STKLD1: variants seen among roughly 807,000 people sequenced by gnomAD.
The protein encoded by STKLD1 is serine/threonine kinase like domain containing 1.
A neutral mutation model predicts 80.4 loss-of-function variants in STKLD1; 79 were observed. The observed-to-expected ratio is 0.98, with a 90% CI of 0.82 to 1.19. The LOEUF (loss-of-function observed/expected upper bound fraction) is 1.19, where lower values mean the gene tolerates loss of function less well. Among genes scored for constraint, STKLD1 ranks in the 50% most tolerant of loss-of-function variants. The pLI is 0.00. For synonymous variants in STKLD1, 393 were observed against 357.6 expected, an observed-to-expected ratio of 1.10 and a Z score of -1.12; for missense variants, 841 against 856.0, an observed-to-expected ratio of 0.98 and a Z score of 0.22.
rs1340879296 is a variant in STKLD1, at chr9:133,378,066, T to C, written c.88-970T>C. Among the ~76,000 whole-genome samples, 32 of 152,172 alleles carry C rather than the reference T, an allele frequency of 2.1e-4. 1 individual carries two copies. The highest frequency in any genetic ancestry group is 7.4e-5 in the Non-Finnish European group (5 of 68,022). ...ACAGGAGGTGGAGCTTGGGTGGTAA[T>C]GCGAGCCATGGGGAGCGGCTGTAAA... is the stretch of plus-strand genomic sequence containing the variant. On this transcript the variant is annotated intron_variant, in intron 1 of 17. Transcript: ENST00000371957.
Position 133,389,615 on chromosome 9 carries a change from C to T in STKLD1, c.467+19C>T. 1.2e-6 allele frequency: 2 copies of T among 1,613,138 alleles called. No individual in the cohort carries two copies. Among genetic ancestry groups the T allele is most frequent in the Non-Finnish European group, 1.7e-6 (2 of 1,179,740 alleles). On this transcript the variant is annotated intron_variant, in intron 6 of 17. Coordinates refer to ENST00000371957, the MANE Select transcript of STKLD1 (RefSeq NM_153710.5). This position sits in a 1 kb window ranked among gnomAD's most constrained non-coding sequence, Gnocchi z 6.4. Reference sequence around the variant, plus strand: ...TCCACAGGTAAGTGGGGCCCCTGACCTCTGCGGACTGGCTGGCTGCTTCGG... The same window carrying T: ...TCCACAGGTAAGTGGGGCCCCTGACTTCTGCGGACTGGCTGGCTGCTTCGG...
intron 8 of STKLD1, 26 bp from the exon 9 acceptor site, chr9:133,395,574 C>A: frequency 1.2e-6 from 2 of 1,610,136 alleles, no homozygotes; most frequent in Non-Finnish European, 1.7e-6. Context: ...TAAGGGAATA[C>A]ACAGAGCTGT....
chr9:133,400,324 C>A, intron 11 of STKLD1, 89 bp from the exon 12 acceptor site: 1 of 915,802 alleles, frequency 1.1e-6, no homozygotes. Context: ...GCCCTGCAGG[C>A]TCCTACCAGC....
intron 2 of STKLD1, among the ~76,000 whole-genome samples, chr9:133,383,313 T>TGATGATGGC (rs1838188587): frequency 3.6e-3 from 1 of 278 alleles, no homozygotes; most frequent in Non-Finnish European, 8.2e-3. Flanking sequence ...GTAATGGTGG[T>TGATGATGGC]GGTGTGATGA....
chr9:133,389,081 T>A lies in STKLD1; in HGVS notation c.397-445T>A, dbSNP rs1838326870. On this transcript the variant is annotated intron_variant, in intron 5 of 17. Coordinates refer to ENST00000371957, the MANE Select transcript of STKLD1 (RefSeq NM_153710.5). The surrounding 1 kb of genome is among the most constrained non-coding windows in gnomAD (Gnocchi z 6.4). The stretch of plus-strand genomic sequence containing the variant: ...CTGGGTACTCGATGGAGCTTGTCTC[T>A]GATGCAGAACACTCCTAGCATTCTC... 1 of 985,278 alleles carries A rather than the reference T, an allele frequency of 1.0e-6. No individual in the cohort carries two copies. The highest frequency in any genetic ancestry group is 1.7e-5 in the African/African-American group (1 of 57,230). 61.0% of individuals were successfully genotyped at this position (985,278 alleles called of 1,614,324 possible).
chr9:133,386,476 G>A (rs2130277663), intron 4 of STKLD1, among the ~76,000 whole-genome samples: 11 of 152,328 alleles, frequency 7.2e-5, no homozygotes, highest in African/African-American at 2.4e-4. Context: ...GGGCCTGTGC[G>A]CCCCTTACTC....
Position 133,394,185 on chromosome 9 carries a change from G to T in STKLD1, c.584-106G>T. On this transcript the variant is annotated intron_variant, in intron 7 of 17. Transcript: ENST00000371957. This position sits in a 1 kb window ranked among gnomAD's most constrained non-coding sequence, Gnocchi z 4.9. ...GCAGGGCTTGTGTTTCAAGCTGCTT[G>T]CGGGGGGCCACCAAAGGGGATACAG... is the stretch of plus-strand genomic sequence containing the variant. The T allele has an allele frequency of 1.3e-6, 1 of 752,690 alleles. No individual in the cohort carries two copies. Among genetic ancestry groups the T allele is most frequent in the Non-Finnish European group, 2.4e-6 (1 of 415,904 alleles). 46.6% of individuals were successfully genotyped at this position (752,690 alleles called of 1,614,324 possible).
chr9:133,398,514 C>A (rs1454213137), intron 11 of STKLD1, among the ~76,000 whole-genome samples: 1 of 152,214 alleles, frequency 6.6e-6, no homozygotes, highest in Non-Finnish European at 1.5e-5. Flanking sequence ...CGCAGTAGCT[C>A]ACGCCTGTAA....
rs1252244187 is a variant in STKLD1, at chr9:133,376,511, A to G, written c.38A>G (p.Gln13Arg). Reference protein sequence around the residue: ...GPGSNRRRPTQGERGPGSPGE... With the variant: ...GPGSNRRRPTRGERGPGSPGE... ...GGGTCCAATCGCAGGCGCCCCACGC[A>G]GGGGGAGCGAGGCCCAGGGTCCCCC... The change falls in exon 1 of 18, where the codon CAG (glutamine) becomes CGG (arginine). Residue 13 changes from glutamine (Q) to arginine (R), a missense_variant. Gln to Arg is a conservative substitution (Grantham distance 43). Coordinates refer to ENST00000371957, the MANE Select transcript of STKLD1 (RefSeq NM_153710.5). The G allele has an allele frequency of 1.2e-6, 2 of 1,600,496 alleles. No homozygotes were observed. Among genetic ancestry groups the G allele is most frequent in the Non-Finnish European group, 8.5e-7 (1 of 1,175,370 alleles).
Position 133,390,191 on chromosome 9 carries a change from TAAAACAC to T in STKLD1, c.468-488_468-482del, listed in dbSNP as rs1435262008. ...CACTTCAGCCTGGGCAACCCTGACT[TAAAACAC>T]ACACACACACACACACACACACACA... On this transcript the variant is annotated intron_variant, in intron 6 of 17. Coordinates refer to ENST00000371957, the MANE Select transcript of STKLD1 (RefSeq NM_153710.5). This position sits in a 1 kb window ranked among gnomAD's most constrained non-coding sequence, Gnocchi z 5.1. Among the ~76,000 whole-genome samples, 2 of 122,058 alleles carry T rather than the reference TAAAACAC, an allele frequency of 1.6e-5. No individual in the cohort carries two copies. The highest frequency in any genetic ancestry group is 6.4e-5 in the African/African-American group (2 of 31,106). The allele number at this position is 122,058 out of a possible 152,430, so 80.1% of individuals were successfully genotyped here.
At chr9:133,400,347 T>C in intron 11 of STKLD1, 66 bp from the exon 12 acceptor site, 1 of 1,215,638 alleles carries the variant, frequency 8.2e-7, no homozygotes. Flanking sequence ...CTGGGGGCCC[T>C]GGTCGGGTCT....
rs2130279820 is a variant in STKLD1 at position 133,387,520 on chromosome 9, G to A, written c.368G>A (p.Arg123Lys). The A allele has an allele frequency of 9.3e-6, 15 of 1,613,900 alleles. No homozygotes were observed. Among genetic ancestry groups the A allele is most frequent in the Middle Eastern group, 1.6e-4 (1 of 6,084 alleles). The change falls in exon 5 of 18, where the codon AGG becomes AAG. Residue 123 changes from arginine (R) to lysine (K), a missense_variant. Arg to Lys is a conservative substitution (Grantham distance 26). Transcript: ENST00000371957. The part of the protein sequence containing the change: ...LSFQEVIEDK[R>K]KAKKIIDSEW... Reference sequence around the variant, plus strand: ...TTCCAGGAGGTCATTGAGGATAAGAGGAAGGCAAAGAAAATCATTGACTCT... The same window carrying A: ...TTCCAGGAGGTCATTGAGGATAAGAAGAAGGCAAAGAAAATCATTGACTCT...
chr9:133,391,154 C>A (rs946182611), intron 7 of STKLD1, among the ~76,000 whole-genome samples: 1 of 151,348 alleles, frequency 6.6e-6, no homozygotes, highest in Non-Finnish European at 1.5e-5. Flanking sequence ...GTCAGCCCCC[C>A]GCCCGGCCAG....
Position 133,385,538 on chromosome 9 carries a change from A to G in STKLD1, c.220-79A>G. On this transcript the variant is annotated intron_variant, in intron 3 of 17. Transcript: ENST00000371957. This position sits in a 1 kb window ranked among gnomAD's most constrained non-coding sequence, Gnocchi z 4.9. ...GCCCGAGGCTTGCATGTTTGTTGGG[A>G]TGTGTGACAGAGAAGCCCGAGCTGA... 2.1e-6 allele frequency: 3 copies of G among 1,402,958 alleles called. No homozygotes were observed. Among genetic ancestry groups the G allele is most frequent in the Non-Finnish European group, 3.0e-6 (3 of 996,312 alleles). The allele number at this position is 1,402,958 out of a possible 1,614,324, so 86.9% of individuals were successfully genotyped here.
chr9:133,387,311 G>T, intron 4 of STKLD1, 136 bp from the exon 5 acceptor site: 1 of 634,860 alleles, frequency 1.6e-6, no homozygotes, highest in East Asian at 2.7e-5. Flanking sequence ...GGAGGGGCTT[G>T]TAGCCCCCTC....
At position 133,396,184 on chromosome 9, in the gene STKLD1, G is replaced by C. The variant is rs587595692; in HGVS notation, c.866+421G>C. ...GCGGTGGCTCATGCCTATAATCCCA[G>C]CACTTTGGGGGGCTGAGGCGGGTAG... On this transcript the variant is annotated intron_variant, in intron 9 of 17. Transcript: ENST00000371957. 5 of 159,716 alleles carry C rather than the reference G, an allele frequency of 3.1e-5. No homozygotes were observed. In the East Asian group the frequency reaches 9.0e-4, roughly 29 times the overall value. 9.9% of individuals were successfully genotyped at this position (159,716 alleles called of 1,614,324 possible). A position where few individuals can be genotyped will look rare whatever the true frequency, so the allele number is the denominator to read the frequency against.
Position 133,390,679 on chromosome 9 carries a change from A to G in STKLD1, c.468-2A>G. Reference sequence around the variant, plus strand: ...AGAGGCAAACCCACCTCTTGGTTTCAGGAATCTCAAACCCTCCAACATCAT... The same window carrying G: ...AGAGGCAAACCCACCTCTTGGTTTCGGGAATCTCAAACCCTCCAACATCAT... On this transcript the variant is annotated splice_acceptor_variant, in intron 6 of 17. Transcript: ENST00000371957. LOFTEE classifies it high-confidence loss of function. The surrounding 1 kb of genome is among the most constrained non-coding windows in gnomAD (Gnocchi z 5.1). 1.2e-6 allele frequency: 2 copies of G among 1,612,790 alleles called. No individual in the cohort carries two copies. Among genetic ancestry groups the G allele is most frequent in the Non-Finnish European group, 1.7e-6 (2 of 1,179,380 alleles).
chr9:133,378,781 T>C (rs1238845558), intron 1 of STKLD1, among the ~76,000 whole-genome samples: 2 of 152,194 alleles, frequency 1.3e-5, no homozygotes, highest in African/African-American at 4.8e-5. Flanking sequence ...TGGTCCTCAT[T>C]GCAGGTTGGG....
Position 133,394,237 on chromosome 9 carries a change from C to A in STKLD1, c.584-54C>A. On this transcript the variant is annotated intron_variant, in intron 7 of 17. Coordinates refer to ENST00000371957, the MANE Select transcript of STKLD1 (RefSeq NM_153710.5). The surrounding 1 kb of genome is among the most constrained non-coding windows in gnomAD (Gnocchi z 4.9). ...GCTGGGCAGGGTGACTCTGTCAAGCCCCTGCCCCCAGGGAGCAAAGGACTC... is the reference window on the plus strand; with the variant it reads ...GCTGGGCAGGGTGACTCTGTCAAGCACCTGCCCCCAGGGAGCAAAGGACTC... 7.9e-7 allele frequency: 1 copy of A among 1,264,330 alleles called. No individual in the cohort carries two copies. 78.3% of individuals were successfully genotyped at this position (1,264,330 alleles called of 1,614,324 possible).
Sources: gnomAD v4.1 joint callset for allele counts (sites outside exome capture counted in the v4.1 genomes callset) on GRCh38, gnomAD v4.1.1 for gene constraint, Gnocchi (gnomAD v3.1) non-coding constraint, MANE v1.5 for transcripts, NCBI Gene and HGNC (gene_info 2026-07-23, HGNC 2026-07-21) for gene names.